ABLIM1: variants seen among roughly 807,000 people sequenced by gnomAD.
ABLIM1 encodes actin binding LIM protein 1.
ABLIM1 carries 40 observed loss-of-function variants against 107.0 expected under a neutral mutation model. The observed-to-expected ratio is 0.37, with a 90% CI of 0.29 to 0.49. ABLIM1 has a LOEUF of 0.49. Among genes scored for constraint, ABLIM1 ranks in the 20% least tolerant of loss-of-function variants. ABLIM1 has a pLI of 0.97. For synonymous variants in ABLIM1, 357 were observed against 357.3 expected (o/e 1.00, Z 0.01); for missense variants, 857 against 1,008.5 (o/e 0.85, Z 2.04).
intron 1 of ABLIM1, among the ~76,000 whole-genome samples, chr10:114,755,072 T>C (rs1013876412): frequency 1.6e-4 from 25 of 152,162 alleles, no homozygotes; most frequent in Non-Finnish European, 1.5e-5. Context: ...GGCCACCGAC[T>C]GGTGCCAGTC....
At chr10:114,520,526 G>A (rs758142210) in intron 6 of ABLIM1, among the ~76,000 whole-genome samples, 1 of 152,070 alleles carries the variant, frequency 6.6e-6, no homozygotes, top group Middle Eastern at 3.4e-3. Context: ...CTCATTCCCA[G>A]GGCTGCCAAT....
chr10:114,467,583 A>G (rs2065453352), intron 11 of ABLIM1, among the ~76,000 whole-genome samples: 1 of 152,244 alleles, frequency 6.6e-6, no homozygotes, highest in Non-Finnish European at 1.5e-5. Flanking sequence ...ATAGAAATTA[A>G]TTCTTCATAA....
intron 12 of ABLIM1, among the ~76,000 whole-genome samples, chr10:114,459,859 G>T (rs150776697): frequency 7.2e-5 from 11 of 152,246 alleles, no homozygotes; most frequent in African/African-American, 2.6e-4. Context: ...ACACCTGACG[G>T]TGTCAAACAC....
intron 1 of ABLIM1, among the ~76,000 whole-genome samples, chr10:114,767,214 C>T (rs973625966): frequency 6.6e-6 from 1 of 152,088 alleles, no homozygotes; most frequent in Non-Finnish European, 1.5e-5. Flanking sequence ...AAAACAACTC[C>T]GCAACTCCTC....
intron 6 of ABLIM1, among the ~76,000 whole-genome samples, chr10:114,503,326 CT>C (rs2060681903): frequency 6.6e-6 from 1 of 152,042 alleles, no homozygotes; most frequent in African/African-American, 2.4e-5. Flanking sequence ...TGGTACATGC[CT>C]GTAGTCCCAG....
At chr10:114,457,426 C>T (rs2063038270) in intron 12 of ABLIM1, among the ~76,000 whole-genome samples, 2 of 152,198 alleles carry the variant, frequency 1.3e-5, no homozygotes, top group East Asian at 1.9e-4. Context: ...TGCGCCACCA[C>T]ATCCAGCTAG....
At chr10:114,673,328 A>G (rs1417591407) in intron 1 of ABLIM1, among the ~76,000 whole-genome samples, 1 of 152,102 alleles carries the variant, frequency 6.6e-6, no homozygotes, top group Non-Finnish European at 1.5e-5. Flanking sequence ...GTTTACTTGT[A>G]ATCATTTTTT....
At chr10:114,462,465 C>T (rs939405312) in intron 12 of ABLIM1, among the ~76,000 whole-genome samples, 1 of 152,152 alleles carries the variant, frequency 6.6e-6, no homozygotes, top group Non-Finnish European at 1.5e-5. Context: ...GAGGCAGGAA[C>T]AGAAAACAGA....
At chr10:114,745,758 T>A (rs1221977342) in intron 1 of ABLIM1, among the ~76,000 whole-genome samples, 2 of 152,136 alleles carry the variant, frequency 1.3e-5, no homozygotes, top group East Asian at 3.9e-4. Context: ...GGAGAATCGC[T>A]TGAACCCAGG....
the ABLIM1 span, among the ~76,000 whole-genome samples, chr10:114,782,102 T>G: frequency 6.6e-6 from 1 of 152,084 alleles, no homozygotes; most frequent in Non-Finnish European, 1.5e-5. Flanking sequence ...ATCCTGAGCT[T>G]TAACACAGCC....
intron 6 of ABLIM1, among the ~76,000 whole-genome samples, chr10:114,532,744 G>T (rs983749425): frequency 6.6e-6 from 1 of 152,306 alleles, no homozygotes; most frequent in Admixed American, 6.5e-5. Flanking sequence ...GGACAAAATC[G>T]AGCCAAGGTA....
At chr10:114,678,202 C>T (rs1476876203) in intron 1 of ABLIM1, among the ~76,000 whole-genome samples, 1 of 151,890 alleles carries the variant, frequency 6.6e-6, no homozygotes, top group Non-Finnish European at 1.5e-5. Context: ...ACGTTCTTAG[C>T]AAACAGGTTT....
chr10:114,524,250 C>T (rs2064253031), intron 6 of ABLIM1, among the ~76,000 whole-genome samples: 1 of 152,166 alleles, frequency 6.6e-6, no homozygotes, highest in South Asian at 2.1e-4. Context: ...CAAGAAAAAG[C>T]AGCACTCGCA....
chr10:114,479,245 A>G (rs995255742), intron 8 of ABLIM1, among the ~76,000 whole-genome samples: 2 of 152,206 alleles, frequency 1.3e-5, no homozygotes, highest in African/African-American at 2.4e-5. Flanking sequence ...TTTTCTAGAC[A>G]CTTGGGATTA....
chr10:114,451,507 T>C lies in ABLIM1; in HGVS notation c.1594+117A>G. On this transcript the variant is annotated intron_variant, in intron 14 of 22. Transcript: ENST00000533213. The stretch of plus-strand genomic sequence containing the variant: ...AGTAGACCAGAAAGGCATAATATGC[T>C]GGATGCCCCAGTTTTACTCTCAAAA... The C allele has an allele frequency of 3.2e-6, 3 of 931,388 alleles. No individual in the cohort carries two copies. The South Asian group carries it at 3.9e-5, about 12-fold the overall frequency. 57.7% of individuals were successfully genotyped at this position (931,388 alleles called of 1,614,324 possible).
At chr10:114,460,128 G>A (rs78230785) in intron 12 of ABLIM1, among the ~76,000 whole-genome samples, 1,894 of 152,196 alleles carry the variant, frequency 0.012, 42 homozygotes, top group African/African-American at 0.043. Context: ...ATACTGAAAC[G>A]CATGGCCCTC....
chr10:114,606,501 T>C (rs2076422653), intron 1 of ABLIM1, among the ~76,000 whole-genome samples: 1 of 152,196 alleles, frequency 6.6e-6, no homozygotes, highest in Non-Finnish European at 1.5e-5. Flanking sequence ...CCCAAAGTGC[T>C]GAGATTACAG....
At chr10:114,688,425 C>A (rs11196876), upstream of ABLIM1, among the ~76,000 whole-genome samples, 17,190 of 152,000 alleles carry the variant, frequency 0.11, 1,541 homozygotes, top group East Asian at 0.42. Context: ...TGAACTTGTA[C>A]GCCAATCATA....
chr10:114,498,098 T>A (rs2059932032), intron 6 of ABLIM1, among the ~76,000 whole-genome samples: 1 of 152,150 alleles, frequency 6.6e-6, no homozygotes, highest in Non-Finnish European at 1.5e-5. Flanking sequence ...GGCTACAAGC[T>A]TTGGAATCAG....
Sources: allele counts gnomAD v4.1 joint callset (sites outside exome capture counted in the v4.1 genomes callset), GRCh38; gene constraint gnomAD v4.1.1; transcripts MANE v1.5; gene names NCBI Gene and HGNC (gene_info 2026-07-23, HGNC 2026-07-21).